The following PLCXD3 variants were observed in gnomAD, a reference collection of about 807,000 sequenced individuals.
PLCXD3 encodes the protein phosphatidylinositol specific phospholipase C X domain containing 3.
PLCXD3 carries 19 observed loss-of-function variants against 25.5 expected under a neutral mutation model. That is an observed-to-expected ratio of 0.75 (90% CI 0.52 to 1.09). The LOEUF is 1.09. Among genes scored for constraint, PLCXD3 ranks in the 50% least tolerant of loss-of-function variants. The pLI, the probability that PLCXD3 is intolerant of heterozygous loss-of-function variation, is 0.00. For synonymous variants in PLCXD3, 174 were observed against 137.6 expected, an observed-to-expected ratio of 1.26 and a Z score of -1.85; for missense variants, 411 against 388.1, an observed-to-expected ratio of 1.06 and a Z score of -0.50.
intron 1 of PLCXD3, among the ~76,000 whole-genome samples, chr5:41,455,191 A>G (rs1334575340): frequency 6.6e-6 from 1 of 151,958 alleles, no homozygotes; most frequent in Non-Finnish European, 1.5e-5. Flanking sequence ...CAATCCTGCC[A>G]GCAACTTGAT....
At chr5:41,471,586 T>C (rs1401220830) in intron 1 of PLCXD3, among the ~76,000 whole-genome samples, 1 of 152,054 alleles carries the variant, frequency 6.6e-6, no homozygotes, top group Non-Finnish European at 1.5e-5. Context: ...AGAGGACTAC[T>C]CCAATTAGAA....
chr5:41,428,764 A>C (rs1747026147), intron 1 of PLCXD3, among the ~76,000 whole-genome samples: 1 of 152,142 alleles, frequency 6.6e-6, no homozygotes, highest in Admixed American at 6.5e-5. Context: ...CCTCATTAAC[A>C]TTTAGTGCAT....
chr5:41,489,875 T>A (rs900335488), intron 1 of PLCXD3, among the ~76,000 whole-genome samples: 8 of 151,844 alleles, frequency 5.3e-5, no homozygotes, highest in Admixed American at 6.6e-5. Context: ...TCATGTCGTC[T>A]GCAAACAGGG....
At chr5:41,327,364 G>T (rs533290779) in intron 2 of PLCXD3, among the ~76,000 whole-genome samples, 1 of 152,006 alleles carries the variant, frequency 6.6e-6, no homozygotes, top group Non-Finnish European at 1.5e-5. Context: ...GCAAATAAAG[G>T]TTTGTCCAAT....
At chr5:41,505,685 A>G (rs1749039571) in intron 1 of PLCXD3, among the ~76,000 whole-genome samples, 1 of 152,242 alleles carries the variant, frequency 6.6e-6, no homozygotes, top group Admixed American at 6.5e-5. Flanking sequence ...TCGATGGCCA[A>G]TAAGAAGCAG....
At chr5:41,337,159 C>T (rs1259803591) in intron 2 of PLCXD3, among the ~76,000 whole-genome samples, 1 of 152,076 alleles carries the variant, frequency 6.6e-6, no homozygotes, top group East Asian at 1.9e-4. Flanking sequence ...TATGCTTAGG[C>T]AGTGTACCGT....
intron 1 of PLCXD3, among the ~76,000 whole-genome samples, chr5:41,471,141 A>C (rs1748147750): frequency 6.6e-6 from 1 of 152,234 alleles, no homozygotes; most frequent in Non-Finnish European, 1.5e-5. Flanking sequence ...CTCCACTGAT[A>C]GTACCCTCTG....
chr5:41,412,393 A>G (rs1746576643), intron 1 of PLCXD3, among the ~76,000 whole-genome samples: 1 of 152,090 alleles, frequency 6.6e-6, no homozygotes, highest in Admixed American at 6.6e-5. Flanking sequence ...AACTCTTCCT[A>G]TATCTTTTAT....
At chr5:41,390,682 C>T (rs150190150) in intron 1 of PLCXD3, among the ~76,000 whole-genome samples, 74 of 152,102 alleles carry the variant, frequency 4.9e-4, no homozygotes, top group African/African-American at 1.6e-3. Context: ...AATCGTCCTC[C>T]GTGCAAGGAC....
intron 2 of PLCXD3, among the ~76,000 whole-genome samples, chr5:41,321,536 T>G (rs935293686): frequency 5.3e-5 from 8 of 152,186 alleles, no homozygotes; most frequent in Non-Finnish European, 1.2e-4. Flanking sequence ...TGCAATCTAC[T>G]GTCAAAATAC....
intron 2 of PLCXD3, among the ~76,000 whole-genome samples, chr5:41,325,427 G>A (rs551632366): frequency 1.3e-5 from 2 of 152,228 alleles, no homozygotes; most frequent in South Asian, 4.1e-4. Context: ...ATTTAGGATA[G>A]CATTTCTTAA....
chr5:41,321,486 T>C (rs2150470064), intron 2 of PLCXD3, among the ~76,000 whole-genome samples: 1 of 152,186 alleles, frequency 6.6e-6, no homozygotes, highest in East Asian at 1.9e-4. Flanking sequence ...ATCAATACTG[T>C]TAAAGTGTCC....
At chr5:41,445,729 T>A (rs898342054) in intron 1 of PLCXD3, among the ~76,000 whole-genome samples, 1 of 152,172 alleles carries the variant, frequency 6.6e-6, no homozygotes, top group Non-Finnish European at 1.5e-5. Context: ...AGTAGTTACA[T>A]TTGCCTATTT....
At chr5:41,397,395 G>A (rs540770435) in intron 1 of PLCXD3, among the ~76,000 whole-genome samples, 15 of 152,160 alleles carry the variant, frequency 9.9e-5, no homozygotes, top group Admixed American at 6.5e-5. Context: ...CATGGTTTAG[G>A]GCCTTCAGGT....
intron 1 of PLCXD3, among the ~76,000 whole-genome samples, chr5:41,438,356 G>T (rs1276135289): frequency 6.6e-6 from 1 of 152,126 alleles, no homozygotes; most frequent in East Asian, 1.9e-4. Context: ...CCACTTTCAA[G>T]CCTAAAATAG....
intron 2 of PLCXD3, among the ~76,000 whole-genome samples, chr5:41,317,823 CA>C (rs1158941824): frequency 2.0e-5 from 3 of 150,908 alleles, no homozygotes; most frequent in Admixed American, 2.0e-4. Context: ...ACAGAGGAGA[CA>C]AAAGAAAAAA....
At chr5:41,326,228 C>T (rs185476383) in intron 2 of PLCXD3, among the ~76,000 whole-genome samples, 1 of 152,304 alleles carries the variant, frequency 6.6e-6, no homozygotes, top group East Asian at 1.9e-4. Flanking sequence ...GTGGTGCTAC[C>T]TGTAACTTCC....
Position 41,382,082 on chromosome 5 carries a change from C to T in PLCXD3, c.556G>A (p.Glu186Lys), listed in dbSNP as rs868122066. The T allele has an allele frequency of 6.2e-7, 1 of 1,613,566 alleles. No homozygotes were observed. Among genetic ancestry groups the T allele is most frequent in the Non-Finnish European group, 8.5e-7 (1 of 1,179,762 alleles). Residue 186 changes from glutamate (E) to lysine (K), a missense_variant, in exon 2 of 3, where the codon GAG (glutamate) becomes AAG (lysine). Glu to Lys is a moderately conservative substitution (Grantham distance 56). Coordinates refer to ENST00000377801, the MANE Select transcript of PLCXD3 (RefSeq NM_001005473.3). ...AAGACCAGCACTTGATAGTCCTTCT[C>T]CCACAGGTACTTTAAACTAACTTCC... is the stretch of plus-strand genomic sequence containing the variant. Reference protein sequence around the residue: ...AQEVSLKYLWEKDYQVLVFYH... With the variant: ...AQEVSLKYLWKKDYQVLVFYH...
At chr5:41,352,970 T>A (rs529574444) in intron 2 of PLCXD3, among the ~76,000 whole-genome samples, 148 of 152,338 alleles carry the variant, frequency 9.7e-4, no homozygotes, top group African/African-American at 3.2e-3. Context: ...CTCATATGAT[T>A]TAAAGCCAGT....
Sources: allele counts gnomAD v4.1 joint callset (sites outside exome capture counted in the v4.1 genomes callset), GRCh38; gene constraint gnomAD v4.1.1; transcripts MANE v1.5; gene names NCBI Gene and HGNC (gene_info 2026-07-23, HGNC 2026-07-21).